Variants in TGFB2 observed in about 807,000 individuals in gnomAD.
TGFB2 encodes transforming growth factor beta 2.
Under a neutral mutation model 42.7 loss-of-function variants are expected in TGFB2, and 13 were observed. That is an observed-to-expected ratio of 0.30 (90% CI 0.20 to 0.48). TGFB2 has a LOEUF of 0.48. TGFB2 is among the 20% of genes least tolerant of loss of function. The pLI is 0.99. For missense variants in TGFB2, 390 were observed against 517.5 expected, an observed-to-expected ratio of 0.75 and a Z score of 2.39; for synonymous variants, 193 against 193.6, an observed-to-expected ratio of 1.00 and a Z score of 0.03.
At chr1:218,410,581 T>G (rs551561243) in intron 2 of TGFB2, among the ~76,000 whole-genome samples, 1 of 152,120 alleles carries the variant, frequency 6.6e-6, no homozygotes, top group African/African-American at 2.4e-5. Flanking sequence ...ATGGAGGGAA[T>G]ATGAGAGGGA....
chr1:218,438,694 C>T (rs919164855), intron 6 of TGFB2, among the ~76,000 whole-genome samples: 3 of 151,858 alleles, frequency 2.0e-5, no homozygotes, highest in African/African-American at 7.3e-5. Flanking sequence ...TATGAGTTTC[C>T]GGCAAGATTA....
intron 1 of TGFB2, among the ~76,000 whole-genome samples, chr1:218,368,894 C>T (rs1235564708): frequency 6.6e-6 from 1 of 152,124 alleles, no homozygotes; most frequent in African/African-American, 2.4e-5. Flanking sequence ...ATCATCAAGT[C>T]TGTGGCTTTT....
intron 1 of TGFB2, among the ~76,000 whole-genome samples, chr1:218,383,431 A>G (rs1000070019): frequency 1.3e-5 from 2 of 152,148 alleles, no homozygotes; most frequent in African/African-American, 4.8e-5. Context: ...AAAACACAAG[A>G]CCATTTTAAA....
At chr1:218,371,046 T>G (rs1004748128) in intron 1 of TGFB2, among the ~76,000 whole-genome samples, 7 of 152,196 alleles carry the variant, frequency 4.6e-5, no homozygotes, top group Non-Finnish European at 8.8e-5. Context: ...GTGCCTGTAA[T>G]CCCAGCTCTT....
intron 1 of TGFB2, among the ~76,000 whole-genome samples, chr1:218,376,785 C>T (rs1657756529): frequency 1.3e-5 from 2 of 152,152 alleles, no homozygotes; most frequent in African/African-American, 4.8e-5. Context: ...TTTGTGGAGA[C>T]CCATTTGTAC....
chr1:218,365,234 T>C (rs992087777), intron 1 of TGFB2, among the ~76,000 whole-genome samples: 3 of 152,084 alleles, frequency 2.0e-5, no homozygotes, highest in Non-Finnish European at 2.9e-5. Context: ...CCCAAACTTT[T>C]CCCCCCTTTT....
At chr1:218,433,993 A>G in intron 2 of TGFB2, 89 bp from the exon 3 acceptor site, 2 of 1,528,648 alleles carry the variant, frequency 1.3e-6, no homozygotes, top group Non-Finnish European at 1.8e-6. Context: ...AAATTTAGGT[A>G]ATGAATTAGA....
intron 2 of TGFB2, 121 bp downstream of exon 2, chr1:218,405,453 CT>C: frequency 6.4e-7 from 1 of 1,551,512 alleles, no homozygotes; most frequent in Non-Finnish European, 8.7e-7. Context: ...CAACCTTGAA[CT>C]CCTGGGTTCA....
At chr1:218,414,255 G>A (rs201023316) in intron 2 of TGFB2, among the ~76,000 whole-genome samples, 34 of 139,888 alleles carry the variant, frequency 2.4e-4, no homozygotes, top group African/African-American at 8.0e-4. Context: ...ACACACACAC[G>A]CACACACGGT....
At chr1:218,354,962 G>A (rs1010878171) in intron 1 of TGFB2, among the ~76,000 whole-genome samples, 11 of 152,192 alleles carry the variant, frequency 7.2e-5, no homozygotes, top group Non-Finnish European at 1.6e-4. Flanking sequence ...GAGTGCAGTG[G>A]CACCATCTCA....
chr1:218,418,873 C>A (rs1333532534), intron 2 of TGFB2, among the ~76,000 whole-genome samples: 1 of 152,162 alleles, frequency 6.6e-6, no homozygotes, highest in Non-Finnish European at 1.5e-5. Context: ...TCCTCCTTGC[C>A]TTCCATCATG....
At position 218,347,005 on chromosome 1, in the gene TGFB2, G is replaced by A. The variant is rs1656708761; in HGVS notation, c.304G>A (p.Glu102Lys). Residue 102 changes from glutamate (E) to lysine (K), a missense_variant, in exon 1 of 7, where the codon GAG becomes AAG. Transcript: ENST00000366930. ...GAGCGACGAAGAGTACTACGCCAAG[G>A]AGGTTTACAAAATAGACATGCCGCC... ...ERSDEEYYAK[E>K]VYKIDMPPFF... The A allele has an allele frequency of 6.2e-7, 1 of 1,609,598 alleles. No individual in the cohort carries two copies. The highest frequency in any genetic ancestry group is 8.5e-7 in the Non-Finnish European group (1 of 1,177,826).
intron 1 of TGFB2, 105 bp downstream of exon 1, chr1:218,347,152 C>T (rs1221132041): frequency 5.7e-6 from 6 of 1,046,336 alleles, no homozygotes; most frequent in Non-Finnish European, 8.4e-6. Flanking sequence ...GGTTCCCGTT[C>T]GCTCTTTTCC....
chr1:218,370,504 T>C (rs1378331815), intron 1 of TGFB2, among the ~76,000 whole-genome samples: 1 of 152,208 alleles, frequency 6.6e-6, no homozygotes, highest in Non-Finnish European at 1.5e-5. Context: ...TATTTGTTAT[T>C]CAAAGTTGAT....
chr1:218,392,820 A>G (rs996170467), intron 1 of TGFB2, among the ~76,000 whole-genome samples: 7 of 152,210 alleles, frequency 4.6e-5, no homozygotes, highest in African/African-American at 1.7e-4. Context: ...TCAAGCCATT[A>G]ATTTAATGTG....
intron 1 of TGFB2, among the ~76,000 whole-genome samples, chr1:218,388,026 C>T (rs1186175346): frequency 6.6e-6 from 1 of 152,090 alleles, no homozygotes; most frequent in African/African-American, 2.4e-5. Flanking sequence ...TCTGTGTCCT[C>T]TGCAAGAATA....
intron 1 of TGFB2, among the ~76,000 whole-genome samples, chr1:218,384,657 A>G (rs1658072203): frequency 6.6e-6 from 1 of 152,130 alleles, no homozygotes; most frequent in African/African-American, 2.4e-5. Flanking sequence ...ACATATTGAG[A>G]GAGGCTGGCT....
In TGFB2 at chr1:218,443,061, T is replaced by C. The variant is rs1367184162; in HGVS notation, c.*1699T>C. 2 of 152,212 alleles carry C rather than the reference T, an allele frequency of 1.3e-5. No homozygotes were observed. The highest frequency in any genetic ancestry group is 2.9e-5 in the Non-Finnish European group (2 of 68,028). The allele number at this position is 152,212 out of a possible 1,614,324, so 9.4% of individuals were successfully genotyped here. ...AAAAAGTCCAGGTCAGCATAAGTCA[T>C]TTTGTGTATTTCACTGAAGTTATAA... On this transcript the variant is annotated 3_prime_UTR_variant, in exon 7 of 7. Coordinates refer to ENST00000366930, the MANE Select transcript of TGFB2 (RefSeq NM_003238.6).
intron 1 of TGFB2, among the ~76,000 whole-genome samples, chr1:218,396,742 A>G (rs1366646463): frequency 1.3e-5 from 2 of 152,094 alleles, no homozygotes. Flanking sequence ...TACATTTAAA[A>G]TCATCTGAGG....
Sources: gnomAD v4.1 joint callset for allele counts (sites outside exome capture counted in the v4.1 genomes callset) on GRCh38, gnomAD v4.1.1 for gene constraint, MANE v1.5 for transcripts, NCBI Gene and HGNC (gene_info 2026-07-23, HGNC 2026-07-21) for gene names.